Variants in ARHGAP26 observed in about 807,000 individuals in gnomAD.
ARHGAP26 encodes rho GTPase-activating protein 26.
A neutral mutation model predicts 104.8 loss-of-function variants in ARHGAP26; 38 were observed. The ratio of observed to expected loss-of-function variants is 0.36; its 90% CI spans 0.28 to 0.48. The LOEUF (loss-of-function observed/expected upper bound fraction) is 0.48, where lower values mean the gene tolerates loss of function less well. Ranked by LOEUF, ARHGAP26 falls within the 20% of genes least tolerant of loss-of-function variation. ARHGAP26 has a pLI of 0.99. For missense variants in ARHGAP26, 704 were observed against 947.9 expected, an observed-to-expected ratio of 0.74 and a Z score of 3.38; for synonymous variants, 341 against 340.0, an observed-to-expected ratio of 1.00 and a Z score of -0.03.
intron 1 of ARHGAP26, among the ~76,000 whole-genome samples, chr5:142,812,279 G>C (rs1009683563): frequency 1.3e-5 from 2 of 152,006 alleles, no homozygotes; most frequent in Admixed American, 1.3e-4. Context: ...TTAGAGCTGG[G>C]GTCTCACTCT....
In ARHGAP26 at chr5:142,770,657, G is replaced by A; in HGVS notation, c.-105G>A. 2 of 856,856 alleles carry A rather than the reference G, an allele frequency of 2.3e-6. No individual in the cohort carries two copies. Among genetic ancestry groups the A allele is most frequent in the South Asian group, 5.3e-5 (1 of 18,716 alleles). 53.1% of individuals were successfully genotyped at this position (856,856 alleles called of 1,614,324 possible). ...CCAGCGCCACACCTGTGGAGCCGGC[G>A]GCCGTCGGGGGAGCCGGCCGGGGTC... On this transcript the variant is annotated 5_prime_UTR_variant, in exon 1 of 23. Coordinates refer to ENST00000645722, the MANE Select transcript of ARHGAP26 (RefSeq NM_001135608.3).
chr5:142,959,748 C>G (rs1002651300), intron 11 of ARHGAP26, among the ~76,000 whole-genome samples: 1 of 152,216 alleles, frequency 6.6e-6, no homozygotes, highest in Non-Finnish European at 1.5e-5. Flanking sequence ...GGTCTACTGA[C>G]TTGGGACTTT....
chr5:142,880,942 G>C (rs912196947), intron 4 of ARHGAP26, among the ~76,000 whole-genome samples: 2 of 152,226 alleles, frequency 1.3e-5, no homozygotes, highest in Admixed American at 1.3e-4. Context: ...ACTAATTTTA[G>C]TTTACACATT....
At chr5:142,968,994 C>T (rs1057266667) in intron 11 of ARHGAP26, among the ~76,000 whole-genome samples, 1 of 152,248 alleles carries the variant, frequency 6.6e-6, no homozygotes, top group Non-Finnish European at 1.5e-5. Context: ...CGCAGTGGCG[C>T]ACTCATGGCT....
intron 1 of ARHGAP26, among the ~76,000 whole-genome samples, chr5:142,825,679 G>A (rs1312936313): frequency 6.6e-6 from 1 of 152,136 alleles, no homozygotes; most frequent in Non-Finnish European, 1.5e-5. Context: ...ACTTTTTTTG[G>A]AAAGCTAAAT....
In ARHGAP26 at chr5:143,226,669, G is replaced by T; in HGVS notation, c.*4223G>T. The T allele has an allele frequency of 4.7e-6, 1 of 214,388 alleles. No homozygotes were observed. Among genetic ancestry groups the T allele is most frequent in the East Asian group, 6.9e-5 (1 of 14,456 alleles). 13.3% of individuals were successfully genotyped at this position (214,388 alleles called of 1,614,324 possible). ...GGCCTGCCTTGGTGTCCTAGAATTG[G>T]AGCCAGTCTTTAGCTTAATGTCTGA... On this transcript the variant is annotated 3_prime_UTR_variant, in exon 23 of 23. Transcript: ENST00000645722.
intron 22 of ARHGAP26, among the ~76,000 whole-genome samples, chr5:143,215,523 T>A (rs1810208063): frequency 6.6e-6 from 1 of 152,244 alleles, no homozygotes; most frequent in Non-Finnish European, 1.5e-5. Flanking sequence ...CAATGGTTTT[T>A]AGTATATTCA....
chr5:143,130,381 T>C (rs941213205), intron 18 of ARHGAP26, among the ~76,000 whole-genome samples: 2 of 152,232 alleles, frequency 1.3e-5, no homozygotes, highest in Admixed American at 6.5e-5. Context: ...GGAATTACTT[T>C]GTGAGTTTGG....
chr5:142,985,016 T>C (rs189212744), intron 11 of ARHGAP26, among the ~76,000 whole-genome samples: 1 of 152,286 alleles, frequency 6.6e-6, no homozygotes, highest in East Asian at 1.9e-4. Context: ...CTATGTGTGT[T>C]ACTGCTCCTG....
At chr5:143,003,438 C>T (rs3776370) in intron 11 of ARHGAP26, among the ~76,000 whole-genome samples, 14,243 of 152,248 alleles carry the variant, frequency 0.094, 1,242 homozygotes, top group African/African-American at 0.22. Context: ...CCTTAAGCCC[C>T]TTGTCCTTTA....
chr5:142,899,331 G>A (rs1436876998), intron 6 of ARHGAP26, among the ~76,000 whole-genome samples: 1 of 152,200 alleles, frequency 6.6e-6, no homozygotes, highest in Non-Finnish European at 1.5e-5. Flanking sequence ...CCAGAGTGAT[G>A]CAGCCAGCAT....
chr5:143,101,095 A>AAAAC (rs759592854), intron 17 of ARHGAP26, among the ~76,000 whole-genome samples: 3 of 152,178 alleles, frequency 2.0e-5, no homozygotes, highest in Admixed American at 6.5e-5. Flanking sequence ...TCTATCTCAA[A>AAAAC]AAACAAACAA....
Position 143,057,716 on chromosome 5 carries a change from A to G in ARHGAP26, c.1507A>G (p.Met503Val), listed in dbSNP as rs1786034298. Residue 503 changes from methionine to valine, a missense_variant, in exon 17 of 23, where the codon ATG becomes GTG. This residue lies in a region of ARHGAP26 where 287 missense variants were observed against 438.8 expected (regional missense o/e 0.65). Coordinates refer to ENST00000645722, the MANE Select transcript of ARHGAP26 (RefSeq NM_001135608.3). ...VHRLPEKNRQMLQLLMNHLAN... is the reference protein window; with the variant it reads ...VHRLPEKNRQVLQLLMNHLAN... ...TCGGCTCCCAGAGAAAAATCGGCAGATGTTACAGCTGCTCATGAACCACTT... is the reference window on the plus strand; with the variant it reads ...TCGGCTCCCAGAGAAAAATCGGCAGGTGTTACAGCTGCTCATGAACCACTT... 1 of 1,613,886 alleles carries G rather than the reference A, an allele frequency of 6.2e-7. No homozygotes were observed. Among genetic ancestry groups the G allele is most frequent in the Non-Finnish European group, 8.5e-7 (1 of 1,179,888 alleles).
chr5:142,990,340 T>C (rs146981622), intron 11 of ARHGAP26, among the ~76,000 whole-genome samples: 2 of 152,348 alleles, frequency 1.3e-5, no homozygotes, highest in East Asian at 3.9e-4. Flanking sequence ...CAGTTTATTC[T>C]AGTTAGCTAT....
chr5:143,094,650 A>G (rs956278909), intron 17 of ARHGAP26, among the ~76,000 whole-genome samples: 1 of 152,228 alleles, frequency 6.6e-6, no homozygotes, highest in African/African-American at 2.4e-5. Context: ...CACTTGGACA[A>G]GGGAGGGGAA....
intron 20 of ARHGAP26, among the ~76,000 whole-genome samples, chr5:143,154,971 G>A (rs755921516): frequency 6.6e-6 from 1 of 152,048 alleles, no homozygotes; most frequent in Non-Finnish European, 1.5e-5. Context: ...TTTGGAATGT[G>A]GGGCTTTGAA....
chr5:143,209,149 T>C (rs1809040418), intron 21 of ARHGAP26, among the ~76,000 whole-genome samples: 1 of 152,184 alleles, frequency 6.6e-6, no homozygotes, highest in Admixed American at 6.5e-5. Context: ...GTTAAGAGAC[T>C]CAAGAGAGTG....
chr5:143,041,769 G>A, intron 13 of ARHGAP26, 47 bp from the exon 14 acceptor site: 1 of 1,302,006 alleles, frequency 7.7e-7, no homozygotes, highest in South Asian at 1.2e-5. Flanking sequence ...GGCCTGACTT[G>A]TGTTCTGACG....
chr5:142,902,069 A>T (rs755688697), intron 7 of ARHGAP26, 30 bp downstream of exon 7: 2 of 1,595,032 alleles, frequency 1.3e-6, no homozygotes, highest in Non-Finnish European at 1.7e-6. Flanking sequence ...GGCTTCTTTT[A>T]TCTGGTTAAG....
Sources: allele counts gnomAD v4.1 joint callset (sites outside exome capture counted in the v4.1 genomes callset), GRCh38; gene constraint gnomAD v4.1.1; regional missense constraint gnomAD v4.1.1; transcripts MANE v1.5; gene names NCBI Gene and HGNC (gene_info 2026-07-23, HGNC 2026-07-21).